The following SHISAL1 variants were observed in gnomAD, a reference collection of about 807,000 sequenced individuals.
SHISAL1 encodes the protein protein shisa-like-1.
In SHISAL1, 9 loss-of-function variants were observed where a neutral mutation model predicts 22.6. The observed-to-expected ratio is 0.40, with a 90% CI of 0.24 to 0.70. SHISAL1 has a LOEUF of 0.70. SHISAL1 is among the 30% of genes least tolerant of loss of function. The pLI is 0.39. For synonymous variants in SHISAL1, 119 were observed against 115.4 expected, an observed-to-expected ratio of 1.03 and a Z score of -0.20; for missense variants, 246 against 270.6, an observed-to-expected ratio of 0.91 and a Z score of 0.64.
intron 4 of SHISAL1, 89 bp downstream of exon 4, chr22:44,285,339 A>T: frequency 7.1e-7 from 1 of 1,413,192 alleles, no homozygotes; most frequent in Non-Finnish European, 9.8e-7. Flanking sequence ...CCAATGAGCC[A>T]AACACTATGG....
intron 1 of SHISAL1, among the ~76,000 whole-genome samples, chr22:44,305,413 C>T (rs1365819292): frequency 2.0e-5 from 3 of 152,234 alleles, no homozygotes; most frequent in Admixed American, 6.5e-5. Context: ...TGGCCCTCAG[C>T]CCCCGATCTG....
intron 4 of SHISAL1, among the ~76,000 whole-genome samples, chr22:44,281,526 A>G (rs190955349): frequency 2.0e-5 from 3 of 152,216 alleles, no homozygotes; most frequent in Admixed American, 2.0e-4. Flanking sequence ...AGGAGGGCCA[A>G]GGTGCTTAGA....
intron 4 of SHISAL1, among the ~76,000 whole-genome samples, chr22:44,273,117 C>T (rs759870709): frequency 7.9e-5 from 12 of 151,966 alleles, no homozygotes; most frequent in Non-Finnish European, 1.3e-4. Flanking sequence ...CAAAAAAAAC[C>T]ACATTGGCTT....
At chr22:44,289,569 C>T (rs1008096327) in intron 3 of SHISAL1, among the ~76,000 whole-genome samples, 1 of 152,136 alleles carries the variant, frequency 6.6e-6, no homozygotes, top group Non-Finnish European at 1.5e-5. Context: ...GCCCTCCCAG[C>T]TCATCCTCCC....
chr22:44,265,304 C>T (rs1379684283), intron 4 of SHISAL1, among the ~76,000 whole-genome samples: 1 of 152,132 alleles, frequency 6.6e-6, no homozygotes, highest in Non-Finnish European at 1.5e-5. Context: ...TGGGTTCCAC[C>T]GGGCTCTGCA....
intron 4 of SHISAL1, among the ~76,000 whole-genome samples, chr22:44,276,230 A>C (rs1195634688): frequency 6.6e-6 from 1 of 152,090 alleles, no homozygotes; most frequent in Non-Finnish European, 1.5e-5. Flanking sequence ...GGGCTGTGGA[A>C]GGGAGGAGTG....
At chr22:44,266,076 A>C (rs1225590870) in intron 4 of SHISAL1, among the ~76,000 whole-genome samples, 2 of 151,964 alleles carry the variant, frequency 1.3e-5, no homozygotes, top group South Asian at 2.1e-4. Context: ...CTTGCCATTC[A>C]GTGTGCACCT....
intron 4 of SHISAL1, among the ~76,000 whole-genome samples, chr22:44,251,441 G>T (rs1032351384): frequency 6.6e-6 from 1 of 152,212 alleles, no homozygotes; most frequent in South Asian, 2.1e-4. Flanking sequence ...ACTATAAAAG[G>T]ATGGGCAGAT....
intron 4 of SHISAL1, among the ~76,000 whole-genome samples, chr22:44,250,104 A>G (rs9614404): frequency 0.13 from 20,175 of 152,200 alleles, 1,556 homozygotes; most frequent in African/African-American, 0.21. Flanking sequence ...GACCTCAGCA[A>G]TTACTAGGGT....
intron 4 of SHISAL1, among the ~76,000 whole-genome samples, chr22:44,254,258 T>A (rs1439296608): frequency 2.0e-5 from 3 of 151,464 alleles, no homozygotes; most frequent in Non-Finnish European, 4.4e-5. Context: ...AAAATAAACC[T>A]AAGAAAGACA....
chr22:44,306,220 C>A (rs970398966), intron 1 of SHISAL1, among the ~76,000 whole-genome samples: 4 of 152,186 alleles, frequency 2.6e-5, no homozygotes, highest in African/African-American at 9.7e-5. Flanking sequence ...CACCTTGGGT[C>A]CCTCCGTGGG....
At position 44,300,985 on chromosome 22, in the gene SHISAL1, A is replaced by G. The variant is rs2055424771; in HGVS notation, c.-32-8T>C. The G allele has an allele frequency of 6.3e-7, 1 of 1,594,606 alleles. No homozygotes were observed. Among genetic ancestry groups the G allele is most frequent in the Non-Finnish European group, 8.6e-7 (1 of 1,163,232 alleles). The stretch of plus-strand genomic sequence containing the variant: ...TGATCCGTCCAGAGCTGCCTGTTCA[A>G]TGAGAGCCACGAGAGGCTGGGTGTG... On this transcript the variant is annotated splice_polypyrimidine_tract_variant and splice_region_variant and intron_variant, in intron 1 of 4. Transcript: ENST00000381176.
chr22:44,306,753 G>C (rs1206524824), intron 1 of SHISAL1, among the ~76,000 whole-genome samples: 2 of 144,682 alleles, frequency 1.4e-5, no homozygotes, highest in Non-Finnish European at 3.0e-5. Flanking sequence ...GGCTCGGGGA[G>C]CTGTGATGAC....
the SHISAL1 span, among the ~76,000 whole-genome samples, chr22:44,330,473 G>A: frequency 6.6e-6 from 1 of 152,296 alleles, no homozygotes; most frequent in Non-Finnish European, 1.5e-5. Flanking sequence ...GGCATCCCCA[G>A]AGGTGCTCTC....
intron 1 of SHISAL1, among the ~76,000 whole-genome samples, chr22:44,306,988 C>T (rs1282367420): frequency 4.6e-5 from 7 of 151,826 alleles, no homozygotes; most frequent in African/African-American, 1.2e-4. Context: ...GCTGTGATGA[C>T]GATGGCGTGT....
In SHISAL1 at chr22:44,310,078, G is replaced by A. The variant is rs1299120694; in HGVS notation, c.-33+2673C>T. On this transcript the variant is annotated intron_variant, in intron 1 of 4. Coordinates refer to ENST00000381176, the MANE Select transcript of SHISAL1 (RefSeq NM_001099294.2). This position sits in a 1 kb window ranked among gnomAD's most constrained non-coding sequence, Gnocchi z 4.0. ...AGCTGGGGTGCCGGGCTCCACGGCT[G>A]ACAGTGAGTGAGAAGGGCCAGCACC... is the stretch of plus-strand genomic sequence containing the variant. Among the ~76,000 whole-genome samples the A allele has an allele frequency of 3.3e-5, 5 of 152,188 alleles. No individual in the cohort carries two copies. Among genetic ancestry groups the A allele is most frequent in the African/African-American group, 7.2e-5 (3 of 41,448 alleles).
chr22:44,308,069 G>A (rs1241956051), intron 1 of SHISAL1, among the ~76,000 whole-genome samples: 1 of 152,162 alleles, frequency 6.6e-6, no homozygotes, highest in Non-Finnish European at 1.5e-5. Flanking sequence ...CTTGGGGGTC[G>A]AGCCCTCTGC....
intron 4 of SHISAL1, among the ~76,000 whole-genome samples, chr22:44,280,846 G>A (rs907617141): frequency 6.6e-6 from 1 of 152,142 alleles, no homozygotes; most frequent in Non-Finnish European, 1.5e-5. Context: ...CAGGTTGTGC[G>A]GCACTGGCGG....
intron 4 of SHISAL1, among the ~76,000 whole-genome samples, chr22:44,280,803 A>G (rs2055271308): frequency 6.6e-6 from 1 of 152,250 alleles, no homozygotes; most frequent in South Asian, 2.1e-4. Context: ...AGATAGGGAC[A>G]CTGAGGCTCA....
Sources: gnomAD v4.1 joint callset for allele counts (sites outside exome capture counted in the v4.1 genomes callset) on GRCh38, gnomAD v4.1.1 for gene constraint, Gnocchi (gnomAD v3.1) non-coding constraint, MANE v1.5 for transcripts, NCBI Gene and HGNC (gene_info 2026-07-23, HGNC 2026-07-21) for gene names.